Variants in REG3A observed in about 807,000 individuals in gnomAD.
REG3A encodes the protein regenerating islet-derived protein 3-alpha.
Under a neutral mutation model 20.5 loss-of-function variants are expected in REG3A, and 15 were observed. The ratio of observed to expected loss-of-function variants is 0.73; its 90% confidence interval spans 0.49 to 1.12. REG3A has a LOEUF of 1.12. REG3A is among the 50% of genes most tolerant of loss of function. The pLI is 0.00. For synonymous variants in REG3A, 93 were observed against 83.2 expected (o/e 1.12, Z -0.64); for missense variants, 224 against 213.1 (o/e 1.05, Z -0.32).
intron 1 of REG3A, 96 bp downstream of exon 1, chr2:79,159,632 C>T (rs1673403478): frequency 1.3e-5 from 7 of 537,690 alleles, no homozygotes; most frequent in African/African-American, 7.6e-5. Context: ...TCTCAGAGTT[C>T]CTGTGCTCCC....
At chr2:79,158,923 A>G in intron 2 of REG3A, 154 bp from the exon 3 acceptor site, 1 of 637,232 alleles carries the variant, frequency 1.6e-6, no homozygotes. Context: ...TCTTTATCTC[A>G]AAATAGCCGT....
At position 79,157,305 on chromosome 2, in the gene REG3A, G is replaced by T. The variant is rs1281424266; in HGVS notation, c.461-12C>A. The T allele has an allele frequency of 1.2e-6, 2 of 1,612,386 alleles. No individual in the cohort carries two copies. Among genetic ancestry groups the T allele is most frequent in the Non-Finnish European group, 1.7e-6 (2 of 1,178,550 alleles). On this transcript the variant is annotated splice_polypyrimidine_tract_variant and intron_variant, in intron 5 of 5. Transcript: ENST00000305165. ...CCACCTCAGAAATGCTGGAGAGACA[G>T]AAGACATAAATGGAATGGGGCTGAG...
Position 79,159,019 on chromosome 2 carries a change from A to T in REG3A, c.77-250T>A, listed in dbSNP as rs564322434. On this transcript the variant is annotated intron_variant, in intron 2 of 5. Transcript: ENST00000305165. Reference sequence around the variant, plus strand: ...TCTCCTCACTCTGGGCTGTCTCTACATTGGGTCCTCCAATCATTGTCCCTC... The same window carrying T: ...TCTCCTCACTCTGGGCTGTCTCTACTTTGGGTCCTCCAATCATTGTCCCTC... 1.0e-5 allele frequency: 6 copies of T among 580,352 alleles called. 1 individual carries two copies. Among genetic ancestry groups the T allele is most frequent in the African/African-American group, 9.3e-5 (5 of 53,630 alleles). 36.0% of individuals were successfully genotyped at this position (580,352 alleles called of 1,614,324 possible). A position where few individuals can be genotyped will look rare whatever the true frequency, so the allele number is the denominator to read the frequency against.
intron 1 of REG3A, 88 bp downstream of exon 1, chr2:79,159,640 C>G (rs1193318086): frequency 1.9e-6 from 1 of 528,704 alleles, no homozygotes; most frequent in Non-Finnish European, 3.4e-6. Flanking sequence ...TTCCTGTGCT[C>G]CCTGAGGAAG....
At chr2:79,158,494 G>A in intron 3 of REG3A, 31 bp from the exon 4 acceptor site, 1 of 1,613,038 alleles carries the variant, frequency 6.2e-7, no homozygotes, top group Middle Eastern at 1.7e-4. Flanking sequence ...ATGAGAGGGA[G>A]CCTGAGACCT....
chr2:79,158,211 A>G, intron 4 of REG3A, 115 bp downstream of exon 4: 2 of 1,248,608 alleles, frequency 1.6e-6, no homozygotes, highest in Non-Finnish European at 2.2e-6. Context: ...ATTCCCCAGA[A>G]TCTGAGCTCC....
Position 79,157,615 on chromosome 2 carries a change from G to C in REG3A, c.417C>G (p.Thr139=). The change falls in exon 5 of 6, where the codon ACC becomes ACG. Residue 139 remains threonine (T), a synonymous_variant. Transcript: ENST00000305165. ...TCGCACAGTGGCCGGGGCTTGAGAT[G>C]GTGGAGGGATTTCTCTCCCATGCAA... ...NYFAWERNPS[T]ISSPGHCASL... 1 of 1,614,158 alleles carries C rather than the reference G, an allele frequency of 6.2e-7. No homozygotes were observed. Among genetic ancestry groups the C allele is most frequent in the East Asian group, 2.2e-5 (1 of 44,872 alleles).
chr2:79,159,107 A>G, intron 2 of REG3A: 1 of 596,142 alleles, frequency 1.7e-6, no homozygotes, highest in Non-Finnish European at 3.0e-6. Flanking sequence ...AGTGTATATT[A>G]GAGTCCACTG....
chr2:79,158,401 G>A lies in REG3A; in HGVS notation c.258C>T (p.Ser86=), dbSNP rs762329480. 6.2e-7 allele frequency: 1 copy of A among 1,614,162 alleles called. No homozygotes were observed. Among genetic ancestry groups the A allele is most frequent in the South Asian group, 1.1e-5 (1 of 91,080 alleles). The change falls in exon 4 of 6, where the codon TCC becomes TCT. Residue 86 remains serine, a synonymous_variant. Coordinates refer to ENST00000305165, the MANE Select transcript of REG3A (RefSeq NM_002580.3). ...TGCTCTTCACCAGGGAGGACACGAA[G>A]GATCCCTCAGCCCCACTGAGCACAG... ...LVSVLSGAEG[S]FVSSLVKSIG... is the part of the protein sequence containing the mutation.
chr2:79,158,896 C>G, intron 2 of REG3A, 127 bp from the exon 3 acceptor site: 3 of 691,452 alleles, frequency 4.3e-6, no homozygotes, highest in Non-Finnish European at 7.4e-6. Context: ...TTCATCTTCC[C>G]TTATGTTTTC....
rs138199548 is a variant in REG3A at position 79,158,736 on chromosome 2, C to T, written c.110G>A (p.Arg37Gln). ...EEPQRELPSA[R>Q]IRCPKGSKAY... ...CTTGGAGCCTTTGGGACAGCGGATCCGTGCAGAGGGCAGTTCCCTCTGGGG... is the reference window on the plus strand; with the variant it reads ...CTTGGAGCCTTTGGGACAGCGGATCTGTGCAGAGGGCAGTTCCCTCTGGGG... The change falls in exon 3 of 6, where the codon CGG becomes CAG. Residue 37 changes from arginine to glutamine, a missense_variant. By Grantham distance (43) the Arg-to-Gln change is conservative. Transcript: ENST00000305165. 5.6e-6 allele frequency: 9 copies of T among 1,613,732 alleles called. No individual in the cohort carries two copies. Among genetic ancestry groups the T allele is most frequent in the South Asian group, 1.1e-5 (1 of 91,064 alleles).
intron 5 of REG3A, 128 bp from the exon 6 acceptor site, chr2:79,157,421 G>C: frequency 6.9e-7 from 1 of 1,444,942 alleles, no homozygotes; most frequent in Non-Finnish European, 9.6e-7. Flanking sequence ...CAATCCAGGA[G>C]AGAGATTCAA....
chr2:79,158,824 A>C, intron 2 of REG3A, 55 bp from the exon 3 acceptor site: 2 of 1,417,468 alleles, frequency 1.4e-6, no homozygotes, highest in Non-Finnish European at 9.9e-7. Flanking sequence ...TTGGGGTGGG[A>C]GATGACCTTG....
At chr2:79,159,033 T>C in intron 2 of REG3A, 1 of 577,588 alleles carries the variant, frequency 1.7e-6, no homozygotes. Context: ...GGTCCTCCAA[T>C]CATTGTCCCT....
chr2:79,157,769 G>A, intron 4 of REG3A, 71 bp from the exon 5 acceptor site: 1 of 1,552,134 alleles, frequency 6.4e-7, no homozygotes, highest in East Asian at 2.3e-5. Context: ...CCCCTTAGCT[G>A]CAACACCTGA....
chr2:79,159,439 A>G lies in REG3A; in HGVS notation c.-34T>C. On this transcript the variant is annotated splice_region_variant and 5_prime_UTR_variant, in exon 2 of 6. Transcript: ENST00000305165. ...CGACTTGAGGAGGCAATCAGGAGTCACTAAAGAAAGCGTGGTCAGTGGGAG... is the reference window on the plus strand; with the variant it reads ...CGACTTGAGGAGGCAATCAGGAGTCGCTAAAGAAAGCGTGGTCAGTGGGAG... The G allele has an allele frequency of 1.9e-6, 3 of 1,608,984 alleles. No homozygotes were observed. The highest frequency in any genetic ancestry group is 2.6e-6 in the Non-Finnish European group (3 of 1,175,522).
chr2:79,158,604 C>T (rs1673371606), intron 3 of REG3A, 47 bp downstream of exon 3: 5 of 1,609,468 alleles, frequency 3.1e-6, no homozygotes, highest in Non-Finnish European at 4.3e-6. Flanking sequence ...TGGAGACCCT[C>T]CTCCCCCTGA....
In REG3A at chr2:79,157,136, G is replaced by C; in HGVS notation, c.*90C>G. 1.0e-6 allele frequency: 1 copy of C among 999,858 alleles called. No homozygotes were observed. The highest frequency in any genetic ancestry group is 1.3e-5 in the South Asian group (1 of 76,220). 61.9% of individuals were successfully genotyped at this position (999,858 alleles called of 1,614,324 possible). On this transcript the variant is annotated 3_prime_UTR_variant, in exon 6 of 6. Coordinates refer to ENST00000305165, the MANE Select transcript of REG3A (RefSeq NM_002580.3). ...GGTGGTCAGGTTGGGGGAATTAAGCGAATATTCTCTTCCAGGGTGAGTCCT... is the reference window on the plus strand; with the variant it reads ...GGTGGTCAGGTTGGGGGAATTAAGCCAATATTCTCTTCCAGGGTGAGTCCT...
rs758470629 is a variant in REG3A, at chr2:79,158,739, G to C, written c.107C>G (p.Ala36Gly). 5 of 1,614,066 alleles carry C rather than the reference G, an allele frequency of 3.1e-6. No individual in the cohort carries two copies. In the Admixed American group the frequency reaches 8.3e-5, roughly 27 times the overall value. Residue 36 changes from alanine to glycine, a missense_variant, in exon 3 of 6, where the codon GCA (alanine) becomes GGA (glycine). Transcript: ENST00000305165. ...GEEPQRELPS[A>G]RIRCPKGSKA... ...GGAGCCTTTGGGACAGCGGATCCGT[G>C]CAGAGGGCAGTTCCCTCTGGGGTTC...
Sources: allele counts gnomAD v4.1 joint callset, GRCh38; gene constraint gnomAD v4.1.1; transcripts MANE v1.5; gene names NCBI Gene and HGNC (gene_info 2026-07-23, HGNC 2026-07-21).